Variants in SLC8A1 observed in about 807,000 individuals in gnomAD.
The protein encoded by SLC8A1 is sodium/calcium exchanger 1.
A neutral mutation model predicts 68.3 loss-of-function variants in SLC8A1; 18 were observed. That is an observed-to-expected ratio of 0.26 (90% CI 0.18 to 0.39). The LOEUF (loss-of-function observed/expected upper bound fraction) is 0.39. Among genes scored for constraint, SLC8A1 ranks in the 10% least tolerant of loss-of-function variants. The pLI, the probability that SLC8A1 is intolerant of heterozygous loss-of-function variation, is 1.00. For missense variants in SLC8A1, 985 were observed against 1,156.7 expected, an observed-to-expected ratio of 0.85 and a Z score of 2.15; for synonymous variants, 475 against 415.5, an observed-to-expected ratio of 1.14 and a Z score of -1.74.
intron 2 of SLC8A1, among the ~76,000 whole-genome samples, chr2:40,239,584 G>C (rs541934323): frequency 2.0e-5 from 3 of 152,314 alleles, no homozygotes; most frequent in Admixed American, 6.5e-5. Context: ...CCCATGCACA[G>C]TCACTGTGCT....
chr2:40,118,472 A>G (rs1258659350), intron 7 of SLC8A1: 1 of 152,210 alleles, frequency 6.6e-6, no homozygotes, highest in East Asian at 1.9e-4. Context: ...ATGATCACAC[A>G]TTCACACAGC....
chr2:40,236,379 TTTG>T (rs1186122063), intron 2 of SLC8A1, among the ~76,000 whole-genome samples: 1 of 152,212 alleles, frequency 6.6e-6, no homozygotes, highest in African/African-American at 2.4e-5. Context: ...TCTTTTGATC[TTTG>T]TTGGTTTAAG....
intron 2 of SLC8A1, among the ~76,000 whole-genome samples, chr2:40,412,633 C>T (rs1692517663): frequency 6.6e-6 from 1 of 152,124 alleles, no homozygotes; most frequent in African/African-American, 2.4e-5. Context: ...TCAAAGACAG[C>T]ACAGGTAATG....
At chr2:40,426,507 C>G (rs1369314256) in intron 2 of SLC8A1, among the ~76,000 whole-genome samples, 1 of 151,932 alleles carries the variant, frequency 6.6e-6, no homozygotes, top group Non-Finnish European at 1.5e-5. Flanking sequence ...TTTTAAAAAT[C>G]CTTTTCCTTA....
At chr2:40,443,416 T>C (rs926912358) in intron 1 of SLC8A1, among the ~76,000 whole-genome samples, 1 of 152,160 alleles carries the variant, frequency 6.6e-6, no homozygotes, top group African/African-American at 2.4e-5. Context: ...TTAAAAGACA[T>C]TCTGCAGGAA....
At chr2:40,472,770 C>G (rs1462058697) in intron 1 of SLC8A1, among the ~76,000 whole-genome samples, 1 of 152,038 alleles carries the variant, frequency 6.6e-6, no homozygotes, top group African/African-American at 2.4e-5. Context: ...GTTAACATAA[C>G]CAATCAGTGG....
At position 40,462,001 on chromosome 2, in the gene SLC8A1, C is replaced by CTTTTTTTTTTTTTTTTTTTTTTTTTT. The variant is rs370223854; in HGVS notation, c.-24-31698_-24-31697insAAAAAAAAAAAAAAAAAAAAAAAAAA. 1.5e-3 allele frequency among the ~76,000 whole-genome samples: 102 copies of CTTTTTTTTTTTTTTTTTTTTTTTTTT among 66,140 alleles called. 16 individuals carry two copies. The highest frequency in any genetic ancestry group is 2.7e-3 in the African/African-American group (45 of 16,482). The allele number at this position is 66,140 out of a possible 152,430, so 43.4% of individuals were successfully genotyped here. A position where few individuals can be genotyped will look rare whatever the true frequency, so the allele number is the denominator to read the frequency against. On this transcript the variant is annotated intron_variant, in intron 1 of 7. Transcript: ENST00000402441. ...CCTCTCATTTTAAAGTAAAATCCTC[C>CTTTTTTTTTTTTTTTTTTTTTTTTTT]TTTTTTTTTTTTTTTTTTTTTTTGA...
At chr2:40,285,387 A>G (rs1194125441) in intron 2 of SLC8A1, among the ~76,000 whole-genome samples, 1 of 152,182 alleles carries the variant, frequency 6.6e-6, no homozygotes, top group Non-Finnish European at 1.5e-5. Context: ...ATCATAAACT[A>G]TGGGGCTGAT....
At chr2:40,445,515 C>T (rs1007363526) in intron 1 of SLC8A1, among the ~76,000 whole-genome samples, 1 of 152,208 alleles carries the variant, frequency 6.6e-6, no homozygotes, top group Non-Finnish European at 1.5e-5. Context: ...CTGGATTCTA[C>T]TATCTCCTAT....
chr2:40,158,931 C>T (rs2045141333), intron 6 of SLC8A1, among the ~76,000 whole-genome samples: 1 of 152,182 alleles, frequency 6.6e-6, no homozygotes, highest in Non-Finnish European at 1.5e-5. Context: ...GAATCAAACA[C>T]ATGACACTGG....
At chr2:40,443,808 G>A (rs1700951853) in intron 1 of SLC8A1, among the ~76,000 whole-genome samples, 1 of 152,152 alleles carries the variant, frequency 6.6e-6, no homozygotes, top group Admixed American at 6.5e-5. Flanking sequence ...CTGCAGCTGT[G>A]ATATTCGAAT....
Position 40,338,265 on chromosome 2 carries a change from T to A in SLC8A1, c.1808+90208A>T, listed in dbSNP as rs965243996. 2.0e-4 allele frequency among the ~76,000 whole-genome samples: 31 copies of A among 152,272 alleles called. No homozygotes were observed. In the East Asian group the frequency reaches 2.9e-3, roughly 14 times the overall value. On this transcript the variant is annotated intron_variant, in intron 2 of 7. Transcript: ENST00000406785. Reference sequence around the variant, plus strand: ...CTGGACATCCTGCCTGTAAGACAAGTCTTGACATATATCAAAATAAATTTG... The same window carrying A: ...CTGGACATCCTGCCTGTAAGACAAGACTTGACATATATCAAAATAAATTTG...
intron 2 of SLC8A1, among the ~76,000 whole-genome samples, chr2:40,326,440 G>A (rs1292333857): frequency 1.4e-5 from 2 of 144,738 alleles, no homozygotes; most frequent in Admixed American, 7.0e-5. Context: ...AAGCAGCAGG[G>A]AAGAGATAAA....
chr2:40,099,118 G>C (rs566558370), exon 8 of SLC8A1: 5 of 151,970 alleles, frequency 3.3e-5, no homozygotes, highest in African/African-American at 7.2e-5. Context: ...ATTTCTAACA[G>C]TGTTGCTTAA....
chr2:40,276,975 G>A (rs914891708), intron 2 of SLC8A1, among the ~76,000 whole-genome samples: 20 of 152,250 alleles, frequency 1.3e-4, no homozygotes, highest in African/African-American at 4.1e-4. Context: ...TAAACAGAAG[G>A]ACAATGAGAT....
chr2:40,284,600 C>T (rs1575067311), intron 2 of SLC8A1, among the ~76,000 whole-genome samples: 1 of 146,770 alleles, frequency 6.8e-6, no homozygotes, highest in East Asian at 2.0e-4. Flanking sequence ...TTTGTTATTA[C>T]ATTATATATA....
chr2:40,110,734 T>C (rs1301422153), exon 8 of SLC8A1: 1 of 152,110 alleles, frequency 6.6e-6, no homozygotes, highest in Non-Finnish European at 1.5e-5. Flanking sequence ...CCCAAAATCA[T>C]AGTCAGAAAG....
intron 2 of SLC8A1, among the ~76,000 whole-genome samples, chr2:40,298,573 A>C (rs2070849856): frequency 6.6e-6 from 1 of 152,210 alleles, no homozygotes; most frequent in African/African-American, 2.4e-5. Flanking sequence ...CTGTCCCTCA[A>C]GCTGATGAAT....
intron 6 of SLC8A1, among the ~76,000 whole-genome samples, chr2:40,146,613 A>G (rs903462525): frequency 6.8e-6 from 1 of 146,314 alleles, no homozygotes; most frequent in East Asian, 1.9e-4. Flanking sequence ...TTGCAACTAG[A>G]TGGTCCCATC....
Sources: allele counts gnomAD v4.1 joint callset (sites outside exome capture counted in the v4.1 genomes callset), GRCh38; gene constraint gnomAD v4.1.1; transcripts MANE v1.5; gene names NCBI Gene and HGNC (gene_info 2026-07-23, HGNC 2026-07-21).